CSMD1: variants seen among roughly 807,000 people sequenced by gnomAD.
CSMD1 encodes CUB and Sushi multiple domains 1, also known as CUB and sushi domain-containing protein 1.
A neutral mutation model predicts 417.5 loss-of-function variants in CSMD1; 213 were observed. That is an observed-to-expected ratio of 0.51 (90% CI 0.46 to 0.57). The LOEUF is 0.57. Among genes scored for constraint, CSMD1 ranks in the 20% least tolerant of loss-of-function variants. The probability of loss-of-function intolerance (pLI) is 0.00; values close to 1 mark genes in which losing one functional copy is unlikely to be tolerated. For missense variants in CSMD1, 6,923 were observed against 4,529.7 expected (o/e 1.53, Z -15.17); for synonymous variants, 2,862 against 1,736.8 (o/e 1.65, Z -16.11).
At chr8:3,855,958 C>T (rs1386844693) in intron 5 of CSMD1, among the ~76,000 whole-genome samples, 1 of 152,146 alleles carries the variant, frequency 6.6e-6, no homozygotes, top group African/African-American at 2.4e-5. Flanking sequence ...CATCTCCCTA[C>T]TACTGAGTTT....
intron 3 of CSMD1, among the ~76,000 whole-genome samples, chr8:4,284,454 T>C (rs940866151): frequency 3.5e-5 from 5 of 144,342 alleles, no homozygotes; most frequent in African/African-American, 1.3e-4. Flanking sequence ...CCGTGTTCCC[T>C]CCCCGTCACC....
intron 50 of CSMD1, among the ~76,000 whole-genome samples, chr8:3,040,678 C>T (rs1811028317): frequency 1.3e-5 from 2 of 151,902 alleles, no homozygotes; most frequent in African/African-American, 4.8e-5. Flanking sequence ...CGGCGTGTGC[C>T]TGTAATCCCA....
At chr8:4,201,477 G>A (rs967553336) in intron 3 of CSMD1, among the ~76,000 whole-genome samples, 1 of 147,364 alleles carries the variant, frequency 6.8e-6, no homozygotes, top group African/African-American at 2.5e-5. Context: ...GGCGGAGCTT[G>A]CAGTGAGCCG....
intron 1 of CSMD1, among the ~76,000 whole-genome samples, chr8:4,840,603 T>C (rs1327956806): frequency 1.3e-5 from 2 of 152,180 alleles, no homozygotes; most frequent in African/African-American, 4.8e-5. Context: ...AAATATAGCT[T>C]AACACAGCAG....
Position 4,630,780 on chromosome 8 carries a change from T to C in CSMD1, c.302+6562A>G, listed in dbSNP as rs114855518. Reference sequence around the variant, plus strand: ...TCTAAGCATTGATGGGTTTCTGTGATGTGTCATCTGTGCTCCAGTTAAGAA... The same window carrying C: ...TCTAAGCATTGATGGGTTTCTGTGACGTGTCATCTGTGCTCCAGTTAAGAA... On this transcript the variant is annotated intron_variant, in intron 2 of 69. Transcript: ENST00000635120. 4.3e-3 allele frequency among the ~76,000 whole-genome samples: 661 copies of C among 152,264 alleles called. 3 individuals are homozygous for C. Among genetic ancestry groups the C allele is most frequent in the African/African-American group, 0.015 (636 of 41,542 alleles).
intron 7 of CSMD1, among the ~76,000 whole-genome samples, chr8:3,691,763 ATT>A (rs1490330776): frequency 7.2e-6 from 1 of 139,594 alleles, no homozygotes; most frequent in Non-Finnish European, 1.6e-5. Context: ...GCTCAATACC[ATT>A]TTTTACACAT....
intron 3 of CSMD1, among the ~76,000 whole-genome samples, chr8:4,120,341 A>G (rs1802412760): frequency 6.6e-6 from 1 of 152,216 alleles, no homozygotes; most frequent in Non-Finnish European, 1.5e-5. Context: ...GCTATAAGAT[A>G]AGATTATTTT....
intron 3 of CSMD1, among the ~76,000 whole-genome samples, chr8:4,246,448 A>G (rs1315006269): frequency 3.9e-5 from 6 of 152,170 alleles, no homozygotes; most frequent in Admixed American, 3.9e-4. Flanking sequence ...TTTTCTTCGT[A>G]TGGTACCTCA....
chr8:3,597,440 C>T (rs2117058093), intron 8 of CSMD1, among the ~76,000 whole-genome samples: 1 of 110,484 alleles, frequency 9.1e-6, no homozygotes, highest in Admixed American at 9.8e-5. Flanking sequence ...ATGCAAGCCC[C>T]AAGACCTAGA....
intron 10 of CSMD1, among the ~76,000 whole-genome samples, chr8:3,524,548 C>T (rs1007046139): frequency 6.6e-6 from 1 of 151,788 alleles, no homozygotes; most frequent in African/African-American, 2.4e-5. Context: ...CAAGCACACA[C>T]ATGCACACAC....
At chr8:3,880,148 C>T (rs982633654) in intron 5 of CSMD1, among the ~76,000 whole-genome samples, 1 of 151,998 alleles carries the variant, frequency 6.6e-6, no homozygotes, top group African/African-American at 2.4e-5. Context: ...CTAGTACCTT[C>T]GACCATGGTA....
intron 26 of CSMD1, among the ~76,000 whole-genome samples, chr8:3,270,824 A>C (rs919702043): frequency 3.3e-5 from 5 of 152,214 alleles, no homozygotes; most frequent in African/African-American, 1.2e-4. Context: ...TAAAGAAAAG[A>C]GTTTTAATTG....
chr8:4,078,943 GTA>G (rs1563095181), intron 3 of CSMD1, among the ~76,000 whole-genome samples: 1 of 10,002 alleles, frequency 1.0e-4, no homozygotes, highest in East Asian at 4.3e-3. Flanking sequence ...ATATATATAT[GTA>G]TGTTGAAAAG....
Position 4,566,532 on chromosome 8 carries a change from A to G in CSMD1, c.302+70810T>C, listed in dbSNP as rs575320275. Among the ~76,000 whole-genome samples, 20 of 151,864 alleles carry G rather than the reference A, an allele frequency of 1.3e-4. 1 individual carries two copies. In the South Asian group the frequency reaches 4.2e-3, roughly 32 times the overall value. ...GCCGGGCGTGGTGGCGGGCGCCTGC[A>G]GTCCCACCTACTCGGGAGGCTGAGG... is the stretch of plus-strand genomic sequence containing the variant. On this transcript the variant is annotated intron_variant, in intron 2 of 69. Transcript: ENST00000635120.
chr8:3,085,279 AAG>A (rs1488793225), intron 49 of CSMD1, among the ~76,000 whole-genome samples: 2 of 152,230 alleles, frequency 1.3e-5, no homozygotes, highest in African/African-American at 4.8e-5. Flanking sequence ...AAAATGCATG[AAG>A]AAAAAAACAA....
chr8:3,649,987 T>C, intron 7 of CSMD1, among the ~76,000 whole-genome samples: 1 of 152,082 alleles, frequency 6.6e-6, no homozygotes, highest in Non-Finnish European at 1.5e-5. Flanking sequence ...GTTAAAAAAA[T>C]GATAAATGAG....
chr8:3,447,341 T>TG (rs1815367362), intron 12 of CSMD1, among the ~76,000 whole-genome samples: 2 of 76,000 alleles, frequency 2.6e-5, no homozygotes, highest in Admixed American at 1.5e-4. Flanking sequence ...GATCAGTAAC[T>TG]GAGTCTCAGA....
chr8:3,972,296 C>G (rs1813143665), intron 5 of CSMD1, among the ~76,000 whole-genome samples: 1 of 151,996 alleles, frequency 6.6e-6, no homozygotes. Flanking sequence ...CATAAGGTAC[C>G]AACACAATGT....
chr8:3,162,110 C>G, intron 38 of CSMD1, 49 bp downstream of exon 38: 2 of 1,234,704 alleles, frequency 1.6e-6, no homozygotes, highest in Non-Finnish European at 2.3e-6. Context: ...GAGAGCTGCA[C>G]AAAGATGACC....
Sources: allele counts gnomAD v4.1 joint callset (sites outside exome capture counted in the v4.1 genomes callset), GRCh38; gene constraint gnomAD v4.1.1; transcripts MANE v1.5; gene names NCBI Gene and HGNC (gene_info 2026-07-23, HGNC 2026-07-21).